Variants in SYT2 observed in about 807,000 individuals in gnomAD.
SYT2 encodes the protein synaptotagmin-2.
SYT2 carries 15 observed loss-of-function variants against 39.9 expected under a neutral mutation model. The observed-to-expected ratio is 0.38, with a 90% CI of 0.25 to 0.58. The LOEUF (loss-of-function observed/expected upper bound fraction) is 0.58, where lower values mean the gene tolerates loss of function less well. SYT2 is among the 20% of genes least tolerant of loss of function. SYT2 has a pLI of 0.70. For synonymous variants in SYT2, 181 were observed against 204.5 expected (o/e 0.89, Z 0.98); for missense variants, 389 against 530.3 (o/e 0.73, Z 2.62).
At chr1:202,602,354 A>G (rs1156727718) in intron 5 of SYT2, 24 bp downstream of exon 5, 3 of 1,606,094 alleles carry the variant, frequency 1.9e-6, no homozygotes. Context: ...AGGGAGCTGG[A>G]GTCACCCTTC....
intron 1 of SYT2, among the ~76,000 whole-genome samples, chr1:202,617,917 G>T (rs1366221756): frequency 9.2e-5 from 14 of 152,132 alleles, no homozygotes; most frequent in African/African-American, 3.4e-4. Flanking sequence ...TGTTGTTGTT[G>T]TTGTTGAGAT....
chr1:202,678,273 C>CAAAAAAAAAAAAAA (rs773123862), intron 1 of SYT2, among the ~76,000 whole-genome samples: 1 of 30,728 alleles, frequency 3.3e-5, no homozygotes, highest in African/African-American at 1.3e-4. Flanking sequence ...GACTCTGTCT[C>CAAAAAAAAAAAAAA]AAAAAAAAAA....
At chr1:202,652,941 A>G (rs1692218431) in intron 1 of SYT2, among the ~76,000 whole-genome samples, 1 of 151,766 alleles carries the variant, frequency 6.6e-6, no homozygotes, top group African/African-American at 2.4e-5. Context: ...GATGCATATC[A>G]TTTTCCTTCC....
intron 1 of SYT2, among the ~76,000 whole-genome samples, chr1:202,622,776 C>T (rs941160389): frequency 6.6e-6 from 1 of 152,156 alleles, no homozygotes; most frequent in Non-Finnish European, 1.5e-5. Flanking sequence ...ACACCTGCCT[C>T]GGATTATTTA....
At chr1:202,651,908 A>T (rs970688266) in intron 1 of SYT2, among the ~76,000 whole-genome samples, 2 of 152,154 alleles carry the variant, frequency 1.3e-5, no homozygotes, top group Non-Finnish European at 2.9e-5. Context: ...AAATACAAAA[A>T]TTAGCTGGGC....
At chr1:202,625,899 C>G (rs1166070565) in intron 1 of SYT2, among the ~76,000 whole-genome samples, 1 of 152,168 alleles carries the variant, frequency 6.6e-6, no homozygotes, top group East Asian at 1.9e-4. Context: ...GTGACAGCAG[C>G]CAGTGCAAGA....
intron 1 of SYT2, among the ~76,000 whole-genome samples, chr1:202,669,535 G>A (rs1237189013): frequency 4.0e-5 from 6 of 151,432 alleles, no homozygotes; most frequent in African/African-American, 1.5e-4. Flanking sequence ...GGAGGTTGCA[G>A]TGAGCCGAGA....
At chr1:202,611,609 G>A (rs543410441) in intron 1 of SYT2, among the ~76,000 whole-genome samples, 53 of 152,256 alleles carry the variant, frequency 3.5e-4, no homozygotes, top group African/African-American at 1.3e-3. Context: ...GGCCTCCTCG[G>A]CCTCCCAAAG....
At chr1:202,642,245 C>A (rs185914312) in intron 1 of SYT2, among the ~76,000 whole-genome samples, 1 of 152,250 alleles carries the variant, frequency 6.6e-6, no homozygotes, top group East Asian at 1.9e-4. Context: ...CACTTTGACA[C>A]CCCCTGCCCC....
intron 1 of SYT2, among the ~76,000 whole-genome samples, chr1:202,698,779 T>C (rs1654038180): frequency 6.6e-6 from 1 of 152,114 alleles, no homozygotes; most frequent in Non-Finnish European, 1.5e-5. Context: ...ACTTCCTCAC[T>C]CTTAGGGGTC....
intron 1 of SYT2, 77 bp from the exon 2 acceptor site, chr1:202,605,866 C>G: frequency 2.0e-6 from 2 of 1,019,516 alleles, no homozygotes; most frequent in South Asian, 1.5e-5. Context: ...CCCAAAGGAC[C>G]AGGAGAAGCT....
At chr1:202,655,591 T>A (rs1431114476) in intron 1 of SYT2, among the ~76,000 whole-genome samples, 1 of 152,080 alleles carries the variant, frequency 6.6e-6, no homozygotes, top group Non-Finnish European at 1.5e-5. Flanking sequence ...CTATCCTTGT[T>A]TTCCAGAACA....
At chr1:202,654,190 G>A (rs527276160) in intron 1 of SYT2, among the ~76,000 whole-genome samples, 125 of 152,316 alleles carry the variant, frequency 8.2e-4, no homozygotes, top group African/African-American at 3.0e-3. Flanking sequence ...TTCCCCAAAC[G>A]GTCTTCAGGC....
chr1:202,695,012 T>A (rs1446425638), intron 1 of SYT2, among the ~76,000 whole-genome samples: 4 of 152,158 alleles, frequency 2.6e-5, no homozygotes, highest in Non-Finnish European at 4.4e-5. Flanking sequence ...GGTCTTTTGT[T>A]ACAATATCTA....
intron 1 of SYT2, among the ~76,000 whole-genome samples, chr1:202,694,052 A>C (rs1300985434): frequency 6.6e-6 from 1 of 152,206 alleles, no homozygotes; most frequent in African/African-American, 2.4e-5. Flanking sequence ...TACCACGAGG[A>C]GGACACCAAG....
chr1:202,703,592 C>T (rs561898354), intron 1 of SYT2, among the ~76,000 whole-genome samples: 2 of 152,252 alleles, frequency 1.3e-5, no homozygotes, highest in East Asian at 3.9e-4. Flanking sequence ...CTAACCCCTG[C>T]CAAGCCCTGC....
chr1:202,608,404 G>A (rs1473389061), intron 1 of SYT2, among the ~76,000 whole-genome samples: 7 of 151,770 alleles, frequency 4.6e-5, no homozygotes, highest in Non-Finnish European at 1.0e-4. Context: ...AGCTTCCCGA[G>A]TAGCTGGGAT....
chr1:202,678,385 C>A (rs1653437859), intron 1 of SYT2, among the ~76,000 whole-genome samples: 1 of 140,884 alleles, frequency 7.1e-6, no homozygotes, highest in Non-Finnish European at 1.6e-5. Context: ...TGCAAAGATT[C>A]TATGACTGAG....
At position 202,601,052 on chromosome 1, in the gene SYT2, C is replaced by G. The variant is rs896733829; in HGVS notation, c.802-578G>C. Among the ~76,000 whole-genome samples the G allele has an allele frequency of 1.9e-4, 29 of 152,172 alleles. No individual in the cohort carries two copies. The highest frequency in any genetic ancestry group is 6.8e-4 in the African/African-American group (28 of 41,438). ...CTGCAACTCTTTGATGTAAACAAGA[C>G]AAGAATTCTTTGTAACCAATGAGAA... On this transcript the variant is annotated intron_variant, in intron 6 of 8. Transcript: ENST00000367268. The surrounding 1 kb of genome is among the most constrained non-coding windows in gnomAD (Gnocchi z 4.0).
Sources: gnomAD v4.1 joint callset for allele counts (sites outside exome capture counted in the v4.1 genomes callset) on GRCh38, gnomAD v4.1.1 for gene constraint, Gnocchi (gnomAD v3.1) non-coding constraint, MANE v1.5 for transcripts, NCBI Gene and HGNC (gene_info 2026-07-23, HGNC 2026-07-21) for gene names.